GCLC: variants seen among roughly 807,000 people sequenced by gnomAD.
The protein encoded by GCLC is glutamate--cysteine ligase catalytic subunit.
Under a neutral mutation model 81.5 loss-of-function variants are expected in GCLC, and 30 were observed. That is an observed-to-expected ratio of 0.37 (90% CI 0.28 to 0.50). GCLC has a LOEUF of 0.50. GCLC is among the 20% of genes least tolerant of loss of function. The pLI, the probability that GCLC is intolerant of heterozygous loss-of-function variation, is 0.96. For missense variants in GCLC, 556 were observed against 777.4 expected (o/e 0.72, Z 3.39); for synonymous variants, 262 against 273.3 (o/e 0.96, Z 0.41).
rs371957293 is a variant in GCLC, at chr6:53,526,713, G to A, written c.151-4186C>T. Among the ~76,000 whole-genome samples the A allele has an allele frequency of 4.0e-5, 6 of 151,546 alleles. No individual in the cohort carries two copies. The South Asian group carries it at 1.0e-3, about 26-fold the overall frequency. On this transcript the variant is annotated intron_variant, in intron 1 of 15. Coordinates refer to ENST00000650454, the MANE Select transcript of GCLC (RefSeq NM_001498.4). The stretch of plus-strand genomic sequence containing the variant: ...CTAAGGAGGCTGAGGCAGGAGAATG[G>A]CGTGAACTCAGGAGGCAGAGCTTGC...
chr6:53,503,203 A>T (rs1417172739), intron 12 of GCLC: 2 of 152,264 alleles, frequency 1.3e-5, no homozygotes, highest in South Asian at 2.1e-4. Context: ...CTGAAGAGCT[A>T]GTTAGCTCCT....
chr6:53,502,833 C>T (rs1764538731), intron 12 of GCLC, among the ~76,000 whole-genome samples: 1 of 152,164 alleles, frequency 6.6e-6, no homozygotes, highest in Non-Finnish European at 1.5e-5. Flanking sequence ...TCCCCTGGCC[C>T]CACACCCAAT....
At position 53,505,511 on chromosome 6, in the gene GCLC, G is replaced by A; in HGVS notation, c.1291-15C>T. 3 of 1,366,826 alleles carry A rather than the reference G, an allele frequency of 2.2e-6. No homozygotes were observed. The highest frequency in any genetic ancestry group is 3.1e-6 in the Non-Finnish European group (3 of 955,028). 84.7% of individuals were successfully genotyped at this position (1,366,826 alleles called of 1,614,324 possible). On this transcript the variant is annotated splice_polypyrimidine_tract_variant and intron_variant, in intron 11 of 15. Transcript: ENST00000650454. ...GTTAATTGCACCTAGACAAGCAGAA[G>A]CCCAGAGAAGTTATGAACCAACTAC... is the stretch of plus-strand genomic sequence containing the variant.
rs201960255 is a variant in GCLC at position 53,517,249 on chromosome 6, GTTTTTTTTTTTTTT to G, written c.447-1041_447-1028del. Among the ~76,000 whole-genome samples the G allele has an allele frequency of 4.4e-4, 32 of 73,108 alleles. No individual in the cohort carries two copies. The East Asian group carries it at 0.01, about 23-fold the overall frequency. The allele number at this position is 73,108 out of a possible 152,430, so 48.0% of individuals were successfully genotyped here. A position where few individuals can be genotyped will look rare whatever the true frequency, so the allele number is the denominator to read the frequency against. ...TTACAGGCATGAGTCACTGTACCAAGTTTTTTTTTTTTTTTTTTTTTTTTTTTTCCAGGGACGAG... is the reference window on the plus strand; with the variant it reads ...TTACAGGCATGAGTCACTGTACCAAGTTTTTTTTTTTTTTCCAGGGACGAG... On this transcript the variant is annotated intron_variant, in intron 3 of 15. Transcript: ENST00000650454.
In GCLC at chr6:53,504,687, G is replaced by C. The variant is rs3799693; in HGVS notation, c.1395+705C>G. Among the ~76,000 whole-genome samples, 2,402 of 152,236 alleles carry C rather than the reference G, an allele frequency of 0.016. 109 individuals are homozygous for C. The East Asian group carries it at 0.18, about 12-fold the overall frequency. On this transcript the variant is annotated intron_variant, in intron 12 of 15. Coordinates refer to ENST00000650454, the MANE Select transcript of GCLC (RefSeq NM_001498.4). ...TCTGGCAAACCCCTCATGGAGGAAGGAGATGCCCCAGGGGCAGATGCTGGA... is the reference window on the plus strand; with the variant it reads ...TCTGGCAAACCCCTCATGGAGGAAGCAGATGCCCCAGGGGCAGATGCTGGA...
intron 11 of GCLC, 84 bp downstream of exon 11, chr6:53,505,719 C>A: frequency 1.2e-6 from 1 of 859,846 alleles, no homozygotes; most frequent in Non-Finnish European, 2.0e-6. Context: ...ATATAAGAGC[C>A]TTCTCATAGC....
At position 53,528,395 on chromosome 6, in the gene GCLC, T is replaced by C. The variant is rs552217444; in HGVS notation, c.151-5868A>G. ...GTAAGTACAAAGTAGAAACTGTATG[T>C]GCTTTTGTGTACATGACATTATACA... On this transcript the variant is annotated intron_variant, in intron 1 of 15. Coordinates refer to ENST00000650454, the MANE Select transcript of GCLC (RefSeq NM_001498.4). 2.5e-3 allele frequency among the ~76,000 whole-genome samples: 383 copies of C among 152,308 alleles called. 3 individuals are homozygous for C. Among genetic ancestry groups the C allele is most frequent in the African/African-American group, 8.8e-3 (366 of 41,566 alleles).
At chr6:53,502,367 G>A (rs1326837278) in intron 12 of GCLC, among the ~76,000 whole-genome samples, 1 of 152,104 alleles carries the variant, frequency 6.6e-6, no homozygotes. Context: ...TTCCCCTCTG[G>A]GATACATGTG....
At chr6:53,505,764 G>C (rs757764151) in intron 11 of GCLC, 39 bp downstream of exon 11, 3 of 1,145,874 alleles carry the variant, frequency 2.6e-6, no homozygotes, top group Non-Finnish European at 4.0e-6. Flanking sequence ...TGGCGAAAGA[G>C]TACTTTTGAG....
In GCLC at chr6:53,508,663, T is replaced by C. The variant is rs776189136; in HGVS notation, c.877A>G (p.Ile293Val). 1.2e-6 allele frequency: 2 copies of C among 1,613,994 alleles called. No individual in the cohort carries two copies. The highest frequency in any genetic ancestry group is 8.5e-7 in the Non-Finnish European group (1 of 1,179,866). Residue 293 changes from isoleucine to valine, a missense_variant, in exon 8 of 16, where the codon ATT becomes GTT. Ile to Val is a conservative substitution (Grantham distance 29). This residue lies in a region of GCLC where 313 missense variants were observed against 437.3 expected (regional missense o/e 0.72). Coordinates refer to ENST00000650454, the MANE Select transcript of GCLC (RefSeq NM_001498.4). ...GAAATCACTCCCCAGCGACAATCAATGTCTGACACATAGCCTCGGTAAAAG... is the reference window on the plus strand; with the variant it reads ...GAAATCACTCCCCAGCGACAATCAACGTCTGACACATAGCCTCGGTAAAAG... ...SPFYRGYVSD[I>V]DCRWGVISAS...
chr6:53,517,343 TGCCTCA>T (rs1762891852), intron 3 of GCLC, among the ~76,000 whole-genome samples: 1 of 148,218 alleles, frequency 6.7e-6, no homozygotes, highest in Non-Finnish European at 1.5e-5. Context: ...GTAATCCTTC[TGCCTCA>T]GCCTCCTAAA....
In GCLC at chr6:53,506,023, A is replaced by G. The variant is rs1764607841; in HGVS notation, c.1198-128T>C. The G allele has an allele frequency of 2.8e-6, 2 of 713,362 alleles. No individual in the cohort carries two copies. The highest frequency in any genetic ancestry group is 5.2e-6 in the Non-Finnish European group (2 of 385,960). 44.2% of individuals were successfully genotyped at this position (713,362 alleles called of 1,614,324 possible). A position where few individuals can be genotyped will look rare whatever the true frequency, so the allele number is the denominator to read the frequency against. On this transcript the variant is annotated intron_variant, in intron 10 of 15. Coordinates refer to ENST00000650454, the MANE Select transcript of GCLC (RefSeq NM_001498.4). This position sits in a 1 kb window ranked among gnomAD's most constrained non-coding sequence, Gnocchi z 4.0. ...ACCAAATTTCAATTGACAAAGACAA[A>G]AAGGTACAATTGAAGATTTTCTTCG...
intron 2 of GCLC, among the ~76,000 whole-genome samples, chr6:53,521,891 G>A (rs1179785823): frequency 6.6e-5 from 10 of 152,236 alleles, no homozygotes; most frequent in South Asian, 2.1e-4. Flanking sequence ...GGAGAATGGC[G>A]TGAAGCCAGG....
At chr6:53,507,821 T>C (rs1712864656) in intron 8 of GCLC, among the ~76,000 whole-genome samples, 1 of 152,190 alleles carries the variant, frequency 6.6e-6, no homozygotes, top group South Asian at 2.1e-4. Flanking sequence ...GATTTAAATA[T>C]ACTTTTATCT....
chr6:53,509,965 A>C (rs1764702912), intron 6 of GCLC: 1 of 152,986 alleles, frequency 6.5e-6, no homozygotes, highest in South Asian at 2.1e-4. Context: ...TATTGTTTTC[A>C]AACTTCACTG....
At chr6:53,538,341 T>C (rs951176436) in intron 1 of GCLC, among the ~76,000 whole-genome samples, 10 of 150,694 alleles carry the variant, frequency 6.6e-5, no homozygotes, top group Non-Finnish European at 1.0e-4. Context: ...TTTTTTTTTT[T>C]TTTGAGATGC....
intron 6 of GCLC, 119 bp from the exon 7 acceptor site, chr6:53,509,369 G>T: frequency 1.4e-6 from 1 of 722,608 alleles, no homozygotes; most frequent in South Asian, 1.5e-5. Flanking sequence ...CTTCATTAAT[G>T]GCAACATTTA....
chr6:53,535,183 G>C (rs1220561984), intron 1 of GCLC, among the ~76,000 whole-genome samples: 1 of 152,128 alleles, frequency 6.6e-6, no homozygotes, highest in African/African-American at 2.4e-5. Flanking sequence ...AAGAGTTCTA[G>C]GACAGCCTAG....
chr6:53,530,943 C>T (rs1181983133), intron 1 of GCLC, among the ~76,000 whole-genome samples: 1 of 152,156 alleles, frequency 6.6e-6, no homozygotes, highest in Admixed American at 6.5e-5. Flanking sequence ...TTCCTCCTGC[C>T]TATTTGGGCG....
Sources: allele counts gnomAD v4.1 joint callset (sites outside exome capture counted in the v4.1 genomes callset), GRCh38; gene constraint gnomAD v4.1.1; regional missense constraint gnomAD v4.1.1; non-coding constraint Gnocchi (gnomAD v3.1); transcripts MANE v1.5; gene names NCBI Gene and HGNC (gene_info 2026-07-23, HGNC 2026-07-21).